PLLP: variants seen among roughly 807,000 people sequenced by gnomAD.
The protein encoded by PLLP is plasma membrane proteolipid (plasmolipin).
In PLLP, 15 loss-of-function variants were observed where a neutral mutation model predicts 19.7. That is an observed-to-expected ratio of 0.76 (90% confidence interval 0.51 to 1.17). PLLP has a LOEUF of 1.17. Ranked by LOEUF, PLLP falls within the 50% of genes most tolerant of loss-of-function variation. The probability of loss-of-function intolerance (pLI) is 0.00; values close to 1 mark genes in which losing one functional copy is unlikely to be tolerated. For missense variants in PLLP, 255 were observed against 258.3 expected (o/e 0.99, Z 0.09); for synonymous variants, 111 against 116.3 (o/e 0.95, Z 0.29).
chr16:57,264,745 A>G (rs1269435299), intron 1 of PLLP, among the ~76,000 whole-genome samples: 5 of 152,162 alleles, frequency 3.3e-5, no homozygotes, highest in Admixed American at 1.3e-4. Flanking sequence ...GCTACTTGGG[A>G]GGCTGAGTGG....
intron 1 of PLLP, among the ~76,000 whole-genome samples, chr16:57,277,734 C>G (rs1020313114): frequency 6.6e-6 from 1 of 152,186 alleles, no homozygotes; most frequent in African/African-American, 2.4e-5. Flanking sequence ...GCCCAGACAG[C>G]ACCTATCTGT....
intron 1 of PLLP, among the ~76,000 whole-genome samples, chr16:57,275,976 G>A (rs2146449025): frequency 6.6e-6 from 1 of 152,226 alleles, no homozygotes; most frequent in Middle Eastern, 3.4e-3. Context: ...GGCATGGTGA[G>A]GAGCACCTGT....
chr16:57,263,809 G>T (rs141979162), intron 1 of PLLP, among the ~76,000 whole-genome samples: 1,994 of 152,268 alleles, frequency 0.013, 47 homozygotes, highest in African/African-American at 0.046. Flanking sequence ...CCACGGAGAG[G>T]ACACGAGGGT....
chr16:57,268,517 G>T (rs532116153), intron 1 of PLLP, among the ~76,000 whole-genome samples: 146 of 152,242 alleles, frequency 9.6e-4, no homozygotes, highest in Non-Finnish European at 1.9e-3. Context: ...TTGAGACAGG[G>T]TCTCACTTTG....
intron 1 of PLLP, among the ~76,000 whole-genome samples, chr16:57,264,230 C>A (rs2075450303): frequency 6.6e-6 from 1 of 152,206 alleles, no homozygotes. Context: ...GAGCCCTCAG[C>A]CCTCACAACC....
In PLLP at chr16:57,264,868, A is replaced by G. The variant is rs192951187; in HGVS notation, c.136-2798T>C. ...TCTCAAAATAAACGAAAATAAATAAAATTAAAATTAAGTAAAGTTAAAATT... is the reference window on the plus strand; with the variant it reads ...TCTCAAAATAAACGAAAATAAATAAGATTAAAATTAAGTAAAGTTAAAATT... On this transcript the variant is annotated intron_variant, in intron 1 of 3. Transcript: ENST00000219207. Among the ~76,000 whole-genome samples, 4 of 152,310 alleles carry G rather than the reference A, an allele frequency of 2.6e-5. No homozygotes were observed. In the East Asian group the frequency reaches 7.7e-4, roughly 29 times the overall value.
At chr16:57,262,868 G>C (rs1194898217) in intron 1 of PLLP, among the ~76,000 whole-genome samples, 1 of 151,976 alleles carries the variant, frequency 6.6e-6, no homozygotes, top group Non-Finnish European at 1.5e-5. Context: ...ACACCCCCAC[G>C]CCTCCAGCCG....
At chr16:57,279,564 C>A (rs148454219) in intron 1 of PLLP, among the ~76,000 whole-genome samples, 12 of 151,950 alleles carry the variant, frequency 7.9e-5, no homozygotes, top group Non-Finnish European at 1.5e-4. Context: ...GTCCCAGATA[C>A]TCAGGAGGCC....
At position 57,266,837 on chromosome 16, in the gene PLLP, G is replaced by A. The variant is rs572205631; in HGVS notation, c.136-4767C>T. On this transcript the variant is annotated intron_variant, in intron 1 of 3. Coordinates refer to ENST00000219207, the MANE Select transcript of PLLP (RefSeq NM_015993.3). Reference sequence around the variant, plus strand: ...GTCCTGCAGATAAACAAAGGGAACTGTCTGGAAATCTCAAGGGCACAGGGC... The same window carrying A: ...GTCCTGCAGATAAACAAAGGGAACTATCTGGAAATCTCAAGGGCACAGGGC... Among the ~76,000 whole-genome samples, 3 of 141,030 alleles carry A rather than the reference G, an allele frequency of 2.1e-5. No individual in the cohort carries two copies. In the South Asian group the frequency reaches 7.0e-4, roughly 33 times the overall value. The allele number at this position is 141,030 out of a possible 152,430, so 92.5% of individuals were successfully genotyped here.
chr16:57,278,604 G>A (rs1157030195), intron 1 of PLLP, among the ~76,000 whole-genome samples: 1 of 152,148 alleles, frequency 6.6e-6, no homozygotes, highest in African/African-American at 2.4e-5. Context: ...TGCAGTAAGT[G>A]GGGAGTGTGG....
chr16:57,268,675 G>T (rs1349663750), intron 1 of PLLP, among the ~76,000 whole-genome samples: 2 of 152,124 alleles, frequency 1.3e-5, no homozygotes, highest in East Asian at 3.9e-4. Flanking sequence ...TTTTGTAGAG[G>T]TGGGGTCTCC....
intron 1 of PLLP, among the ~76,000 whole-genome samples, chr16:57,262,334 C>T (rs2075444537): frequency 6.6e-6 from 1 of 151,982 alleles, no homozygotes; most frequent in Non-Finnish European, 1.5e-5. Context: ...GGCAGATCAC[C>T]TGAGGTCAGG....
Position 57,258,865 on chromosome 16 carries a change from G to A in PLLP, c.310-281C>T, listed in dbSNP as rs2075433916. Among the ~76,000 whole-genome samples, 3 of 137,056 alleles carry A rather than the reference G, an allele frequency of 2.2e-5. No individual in the cohort carries two copies. The South Asian group carries it at 7.5e-4, about 34-fold the overall frequency. 89.9% of individuals were successfully genotyped at this position (137,056 alleles called of 152,430 possible). On this transcript the variant is annotated intron_variant, in intron 2 of 3. Transcript: ENST00000219207. ...GGAGCCGGGAGGTTGAGGCTGCAGT[G>A]AGTCATGATCACACCACTGCACTCC...
intron 1 of PLLP, among the ~76,000 whole-genome samples, chr16:57,282,228 CTT>C (rs5817092): frequency 0.42 from 61,910 of 146,564 alleles, 13,859 homozygotes; most frequent in South Asian, 0.66. Context: ...TTTTTCTTTT[CTT>C]TTTTTTTTTT....
intron 1 of PLLP, among the ~76,000 whole-genome samples, chr16:57,270,348 C>T (rs1196222149): frequency 6.7e-6 from 1 of 149,064 alleles, no homozygotes; most frequent in Non-Finnish European, 1.5e-5. Context: ...TCCACAGCCC[C>T]CGAGTCCTTC....
At chr16:57,280,152 T>C (rs1039320023) in intron 1 of PLLP, among the ~76,000 whole-genome samples, 39 of 152,188 alleles carry the variant, frequency 2.6e-4, no homozygotes, top group African/African-American at 9.1e-4. Context: ...GAAAGCACTC[T>C]AGAACTTCCC....
chr16:57,282,279 T>C (rs1360753019), intron 1 of PLLP, among the ~76,000 whole-genome samples: 1 of 151,936 alleles, frequency 6.6e-6, no homozygotes, highest in African/African-American at 2.4e-5. Context: ...AGTCTCATTC[T>C]GTCACCCAGG....
intron 1 of PLLP, among the ~76,000 whole-genome samples, chr16:57,280,006 G>A (rs533466942): frequency 2.6e-5 from 4 of 152,334 alleles, no homozygotes; most frequent in South Asian, 2.1e-4. Context: ...CCTCAAGGAC[G>A]CCTACTGACT....
At position 57,258,587 on chromosome 16, in the gene PLLP, G is replaced by C. The variant is rs1314715959; in HGVS notation, c.310-3C>G. ...GCGCTGATGTTAAAGATCATTAACT[G>C]CAGGACATGGGGGTAGGGAGTGGGG... On this transcript the variant is annotated splice_region_variant and splice_polypyrimidine_tract_variant and intron_variant, in intron 2 of 3. Transcript: ENST00000219207. 4 of 1,612,646 alleles carry C rather than the reference G, an allele frequency of 2.5e-6. No individual in the cohort carries two copies. Among genetic ancestry groups the C allele is most frequent in the Non-Finnish European group, 3.4e-6 (4 of 1,179,836 alleles).
Sources: gnomAD v4.1 joint callset for allele counts (sites outside exome capture counted in the v4.1 genomes callset) on GRCh38, gnomAD v4.1.1 for gene constraint, MANE v1.5 for transcripts, NCBI Gene and HGNC (gene_info 2026-07-23, HGNC 2026-07-21) for gene names.